Variants in KCNQ3 observed in about 807,000 individuals in gnomAD.
KCNQ3 encodes the protein potassium voltage-gated channel subfamily Q member 3, also known as potassium voltage-gated channel subfamily KQT member 3.
Under a neutral mutation model 92.5 loss-of-function variants are expected in KCNQ3, and 30 were observed. The ratio of observed to expected loss-of-function variants is 0.32; its 90% CI spans 0.24 to 0.44. KCNQ3 has a LOEUF of 0.44. KCNQ3 is among the 20% of genes least tolerant of loss of function. The pLI is 1.00. For missense variants in KCNQ3, 913 were observed against 1,140.3 expected (o/e 0.80, Z 2.87); for synonymous variants, 450 against 468.8 (o/e 0.96, Z 0.52).
chr8:132,284,038 A>G (rs1232218785), intron 1 of KCNQ3, among the ~76,000 whole-genome samples: 1 of 152,232 alleles, frequency 6.6e-6, no homozygotes, highest in Admixed American at 6.5e-5. Flanking sequence ...ACATCAAACA[A>G]GGGCAAACAA....
intron 1 of KCNQ3, among the ~76,000 whole-genome samples, chr8:132,415,356 G>A (rs1268121697): frequency 6.6e-6 from 1 of 152,212 alleles, no homozygotes; most frequent in Non-Finnish European, 1.5e-5. Context: ...GCTGGACAGT[G>A]AGGTGTCTCT....
chr8:132,216,773 T>C (rs995098656), intron 1 of KCNQ3, among the ~76,000 whole-genome samples: 2 of 152,158 alleles, frequency 1.3e-5, no homozygotes, highest in East Asian at 1.9e-4. Context: ...TATTAGCTCA[T>C]AGTCCTCTCT....
chr8:132,165,971 C>T (rs75178432), intron 8 of KCNQ3, among the ~76,000 whole-genome samples: 1 of 152,160 alleles, frequency 6.6e-6, no homozygotes, highest in African/African-American at 2.4e-5. Context: ...TGCATATAGT[C>T]CCCTTTCTCC....
At chr8:132,296,437 T>C (rs940988093) in intron 1 of KCNQ3, among the ~76,000 whole-genome samples, 1 of 152,132 alleles carries the variant, frequency 6.6e-6, no homozygotes, top group Non-Finnish European at 1.5e-5. Context: ...ATGTGCACAA[T>C]GTGCAGGTTT....
At chr8:132,358,722 T>G (rs972336319) in intron 1 of KCNQ3, among the ~76,000 whole-genome samples, 47 of 152,240 alleles carry the variant, frequency 3.1e-4, no homozygotes, top group African/African-American at 1.1e-3. Context: ...GGGTCTTCAT[T>G]TGGGGTCCAC....
At chr8:132,329,653 C>T (rs952502568) in intron 1 of KCNQ3, among the ~76,000 whole-genome samples, 9 of 152,164 alleles carry the variant, frequency 5.9e-5, no homozygotes, top group Non-Finnish European at 1.0e-4. Flanking sequence ...CAAGCCTCTG[C>T]GAGAAAACCT....
intron 1 of KCNQ3, among the ~76,000 whole-genome samples, chr8:132,450,594 T>C (rs1344800243): frequency 6.6e-6 from 1 of 152,172 alleles, no homozygotes; most frequent in Admixed American, 6.5e-5. Context: ...ACAGGTTCCA[T>C]AGCAGGATGT....
intron 1 of KCNQ3, among the ~76,000 whole-genome samples, chr8:132,305,363 A>G (rs1392865006): frequency 6.6e-5 from 10 of 152,236 alleles, no homozygotes; most frequent in African/African-American, 2.4e-4. Context: ...TGCTTCATTC[A>G]TAAATTCTGA....
chr8:132,274,611 G>C (rs1000188060), intron 1 of KCNQ3, among the ~76,000 whole-genome samples: 1 of 152,102 alleles, frequency 6.6e-6, no homozygotes, highest in Non-Finnish European at 1.5e-5. Context: ...TATTGTCCAT[G>C]TTATATTTCA....
intron 1 of KCNQ3, among the ~76,000 whole-genome samples, chr8:132,240,798 A>G (rs1814969057): frequency 1.3e-5 from 2 of 152,338 alleles, no homozygotes; most frequent in South Asian, 4.1e-4. Flanking sequence ...GAACTAGTCA[A>G]TGAGAGTCTA....
At position 132,134,395 on chromosome 8, in the gene KCNQ3, GAAAC is replaced by G. The variant is rs2130931758; in HGVS notation, c.1701-11_1701-8del. On this transcript the variant is annotated splice_region_variant and splice_polypyrimidine_tract_variant and intron_variant, in intron 12 of 14. Transcript: ENST00000388996. ...GGTGAAAATCATATCTATTCTGAAA[GAAAC>G]AAACAGAGCAGGGATTAAATTACAC... The G allele has an allele frequency of 1.9e-6, 3 of 1,567,144 alleles. No individual in the cohort carries two copies. The highest frequency in any genetic ancestry group is 1.1e-5 in the South Asian group (1 of 90,104).
At chr8:132,403,575 A>C (rs1037212975) in intron 1 of KCNQ3, among the ~76,000 whole-genome samples, 1 of 152,206 alleles carries the variant, frequency 6.6e-6, no homozygotes, top group East Asian at 1.9e-4. Flanking sequence ...CCTATAAGGA[A>C]CACCAATGAT....
chr8:132,278,068 C>T (rs975012859), intron 1 of KCNQ3: 2 of 985,168 alleles, frequency 2.0e-6, no homozygotes, highest in African/African-American at 3.5e-5. Flanking sequence ...CACAATTACA[C>T]CAAAATCTGT....
At chr8:132,443,115 C>T (rs1821580389) in intron 1 of KCNQ3, among the ~76,000 whole-genome samples, 1 of 152,160 alleles carries the variant, frequency 6.6e-6, no homozygotes, top group Non-Finnish European at 1.5e-5. Flanking sequence ...TTGCTAAGGC[C>T]CCGCTTGAGC....
intron 11 of KCNQ3, among the ~76,000 whole-genome samples, chr8:132,139,566 T>C (rs1460225503): frequency 6.6e-6 from 1 of 152,238 alleles, no homozygotes; most frequent in East Asian, 1.9e-4. Context: ...TTTTTCATTT[T>C]CTTGCAGAAT....
chr8:132,367,162 C>A (rs1191442479), intron 1 of KCNQ3, among the ~76,000 whole-genome samples: 1 of 152,224 alleles, frequency 6.6e-6, no homozygotes, highest in African/African-American at 2.4e-5. Context: ...GAGCCCTTCT[C>A]CTCTCCTTCA....
At chr8:132,404,616 T>C (rs994108367) in intron 1 of KCNQ3, among the ~76,000 whole-genome samples, 6 of 152,160 alleles carry the variant, frequency 3.9e-5, no homozygotes, top group Admixed American at 2.6e-4. Flanking sequence ...CAGATTTGCC[T>C]AGCCAGCCCC....
chr8:132,330,679 G>A (rs1818203011), intron 1 of KCNQ3, among the ~76,000 whole-genome samples: 1 of 152,234 alleles, frequency 6.6e-6, no homozygotes, highest in South Asian at 2.1e-4. Flanking sequence ...TGGGAAGTAA[G>A]TGAGAGTTCC....
At chr8:132,404,711 T>C (rs535875076) in intron 1 of KCNQ3, among the ~76,000 whole-genome samples, 39 of 152,302 alleles carry the variant, frequency 2.6e-4, no homozygotes, top group Non-Finnish European at 5.1e-4. Context: ...CCTTGGCTCA[T>C]ACAAGAACTA....
Sources: allele counts gnomAD v4.1 joint callset (sites outside exome capture counted in the v4.1 genomes callset), GRCh38; gene constraint gnomAD v4.1.1; transcripts MANE v1.5; gene names NCBI Gene and HGNC (gene_info 2026-07-23, HGNC 2026-07-21).